TMEM245: variants seen among roughly 807,000 people sequenced by gnomAD.
TMEM245 encodes transmembrane protein 245.
Under a neutral mutation model 101.2 loss-of-function variants are expected in TMEM245, and 69 were observed. The ratio of observed to expected loss-of-function variants is 0.68; its 90% confidence interval spans 0.56 to 0.83. TMEM245 has a LOEUF of 0.83. Among genes scored for constraint, TMEM245 ranks in the 40% least tolerant of loss-of-function variants. The probability of loss-of-function intolerance (pLI) is 0.00; values close to 1 mark genes in which losing one functional copy is unlikely to be tolerated. For missense variants in TMEM245, 1,075 were observed against 1,092.8 expected, an observed-to-expected ratio of 0.98 and a Z score of 0.23; for synonymous variants, 537 against 449.8, an observed-to-expected ratio of 1.19 and a Z score of -2.45.
chr9:109,059,710 A>G (rs1196748034), intron 11 of TMEM245, among the ~76,000 whole-genome samples: 1 of 152,010 alleles, frequency 6.6e-6, no homozygotes, highest in Non-Finnish European at 1.5e-5. Flanking sequence ...AAATAATAAT[A>G]AAAAATAAAA....
At chr9:109,046,102 A>G in intron 14 of TMEM245, 1 of 271,172 alleles carries the variant, frequency 3.7e-6, no homozygotes, top group South Asian at 4.1e-5. Context: ...AAGCATGTTC[A>G]CTTTCCAAAT....
At chr9:109,060,200 T>G (rs117555144) in intron 11 of TMEM245, among the ~76,000 whole-genome samples, 154 bp downstream of exon 11, 1,536 of 152,308 alleles carry the variant, frequency 0.01, 11 homozygotes, top group Non-Finnish European at 0.013. Context: ...AACCATCAAC[T>G]CACACTGACT....
intron 14 of TMEM245, among the ~76,000 whole-genome samples, chr9:109,039,488 G>T (rs556628955): frequency 6.6e-6 from 1 of 152,266 alleles, no homozygotes; most frequent in South Asian, 2.1e-4. Flanking sequence ...GAAGAGGCAT[G>T]CAAGAAAAGG....
intron 14 of TMEM245, among the ~76,000 whole-genome samples, chr9:109,041,453 ATTTTTTTTTTTTTTTT>A (rs1193341550): frequency 6.0e-5 from 5 of 83,258 alleles, no homozygotes; most frequent in African/African-American, 2.0e-4. Context: ...CATCCTACAA[ATTTTTTTTTTTTTTTT>A]TTTTTTTTTT....
Position 109,016,665 on chromosome 9 carries a change from T to G in TMEM245, c.*3795A>C, listed in dbSNP as rs1359081831. On this transcript the variant is annotated 3_prime_UTR_variant, in exon 18 of 18. Coordinates refer to ENST00000374586, the MANE Select transcript of TMEM245 (RefSeq NM_032012.4). ...GCTGCAGACAGCATGTGTGTTTTTT[T>G]TTTTTTTTTTTTTTGCAGGTTCCCA... The G allele has an allele frequency of 7.1e-5, 10 of 140,426 alleles. No homozygotes were observed. In the South Asian group the frequency reaches 2.1e-3, roughly 30 times the overall value. The allele number at this position is 140,426 out of a possible 1,614,324, so 8.7% of individuals were successfully genotyped here.
chr9:109,035,775 A>C (rs1179321555), intron 16 of TMEM245, among the ~76,000 whole-genome samples: 1 of 151,944 alleles, frequency 6.6e-6, no homozygotes, highest in African/African-American at 2.4e-5. Context: ...TACATATGTA[A>C]TAAGAAAATA....
At chr9:109,086,621 G>A (rs533318474) in intron 6 of TMEM245, among the ~76,000 whole-genome samples, 2 of 152,106 alleles carry the variant, frequency 1.3e-5, no homozygotes, top group African/African-American at 2.4e-5. Context: ...TATTTTACTG[G>A]TATGGAAACC....
At chr9:109,101,266 G>A (rs1338219006) in intron 3 of TMEM245, among the ~76,000 whole-genome samples, 1 of 152,304 alleles carries the variant, frequency 6.6e-6, no homozygotes, top group East Asian at 1.9e-4. Flanking sequence ...AGAAGACATA[G>A]AGAAAGATAC....
chr9:109,082,443 T>C (rs542124518), intron 7 of TMEM245, among the ~76,000 whole-genome samples: 4 of 152,334 alleles, frequency 2.6e-5, no homozygotes, highest in African/African-American at 4.8e-5. Context: ...CAGAAACCAA[T>C]TGAAAACTAG....
At position 109,081,530 on chromosome 9, in the gene TMEM245, T is replaced by C. The variant is rs571627977; in HGVS notation, c.1345-587A>G. ...CAATGACAAATAACAAAGATAACAG[T>C]TGCCCAAGGAGCGAGGGGTTGGGAG... On this transcript the variant is annotated intron_variant, in intron 7 of 17. Transcript: ENST00000374586. Among the ~76,000 whole-genome samples the C allele has an allele frequency of 1.7e-4, 26 of 152,246 alleles. 1 individual carries two copies. The South Asian group carries it at 5.2e-3, about 30-fold the overall frequency.
chr9:109,108,420 TAAAAAA>T, intron 2 of TMEM245, 27 bp downstream of exon 2: 23 of 938,374 alleles, frequency 2.5e-5, no homozygotes, highest in Middle Eastern at 2.4e-4. Context: ...AGGCTAGACT[TAAAAAA>T]AAAAAAAAAA....
intron 3 of TMEM245, among the ~76,000 whole-genome samples, chr9:109,096,445 G>A (rs1304758283): frequency 1.3e-5 from 2 of 152,186 alleles, no homozygotes; most frequent in East Asian, 3.9e-4. Flanking sequence ...TTATTGAGCT[G>A]AGATCATGCC....
At chr9:109,052,848 GA>G (rs1828726542) in intron 12 of TMEM245, among the ~76,000 whole-genome samples, 1 of 152,038 alleles carries the variant, frequency 6.6e-6, no homozygotes, top group African/African-American at 2.4e-5. Context: ...TGCACTGAGA[GA>G]AAATATCTTG....
At chr9:109,073,512 A>G in intron 8 of TMEM245, 74 bp from the exon 9 acceptor site, 1 of 1,172,072 alleles carries the variant, frequency 8.5e-7, no homozygotes, top group Non-Finnish European at 1.2e-6. Flanking sequence ...TTTCTACTCT[A>G]TTATTGGAAC....
At position 109,106,583 on chromosome 9, in the gene TMEM245, G is replaced by A. The variant is rs751480916; in HGVS notation, c.724C>T (p.Pro242Ser). 15 of 1,612,582 alleles carry A rather than the reference G, an allele frequency of 9.3e-6. No homozygotes were observed. The highest frequency in any genetic ancestry group is 3.3e-4 in the Middle Eastern group (2 of 6,058). The change falls in exon 3 of 18, where the codon CCA becomes TCA. Residue 242 changes from proline to serine, a missense_variant. Pro to Ser is a moderately conservative substitution (Grantham distance 74). Transcript: ENST00000374586. The stretch of plus-strand genomic sequence containing the variant: ...AGGAAAACAATAACCAGGAATACTG[G>A]AATTCTCCATGAGCCAGCCAGGGAT... ...LASLAGSWRI[P>S]VFLVIVFLMS...
In TMEM245 at chr9:109,020,815, G is replaced by T. The variant is rs953538302; in HGVS notation, c.2595-310C>A. On this transcript the variant is annotated intron_variant, in intron 17 of 17. Coordinates refer to ENST00000374586, the MANE Select transcript of TMEM245 (RefSeq NM_032012.4). ...TTCTGGGCAGTTCCTTAAAAGAGAA[G>T]AGCAATCTTCTTCAGCTCTTCCACC... 2.6e-5 allele frequency among the ~76,000 whole-genome samples: 4 copies of T among 152,202 alleles called. No homozygotes were observed. The East Asian group carries it at 5.8e-4, about 22-fold the overall frequency.
intron 2 of TMEM245, among the ~76,000 whole-genome samples, chr9:109,107,415 A>G (rs1830458108): frequency 6.7e-6 from 1 of 149,978 alleles, no homozygotes; most frequent in Admixed American, 6.7e-5. Context: ...AAAAAAAAAA[A>G]AAGTTCACAA....
At chr9:109,049,769 C>T (rs1828616620) in intron 14 of TMEM245, among the ~76,000 whole-genome samples, 1 of 152,082 alleles carries the variant, frequency 6.6e-6, no homozygotes, top group Admixed American at 6.5e-5. Flanking sequence ...AGAGACTGCA[C>T]TAAGCCAAGA....
intron 3 of TMEM245, among the ~76,000 whole-genome samples, chr9:109,096,915 A>G (rs1588072225): frequency 6.6e-6 from 1 of 152,250 alleles, no homozygotes; most frequent in Non-Finnish European, 1.5e-5. Flanking sequence ...TTTATCTTAC[A>G]TTTCTAAATG....
Sources: allele counts gnomAD v4.1 joint callset (sites outside exome capture counted in the v4.1 genomes callset), GRCh38; gene constraint gnomAD v4.1.1; transcripts MANE v1.5; gene names NCBI Gene and HGNC (gene_info 2026-07-23, HGNC 2026-07-21).